HCN1: variants seen among roughly 807,000 people sequenced by gnomAD.
The protein encoded by HCN1 is potassium/sodium hyperpolarization-activated cyclic nucleotide-gated channel 1.
Under a neutral mutation model 78.9 loss-of-function variants are expected in HCN1, and 13 were observed. The ratio of observed to expected loss-of-function variants is 0.16; its 90% CI spans 0.11 to 0.26. HCN1 has a LOEUF of 0.26. Among genes scored for constraint, HCN1 ranks in the 10% least tolerant of loss-of-function variants. HCN1 has a pLI of 1.00. For synonymous variants in HCN1, 552 were observed against 455.5 expected (o/e 1.21, Z -2.70); for missense variants, 810 against 1,154.3 (o/e 0.70, Z 4.32).
rs1743354600 is a variant in HCN1 at position 45,550,908 on chromosome 5, A to G, written c.850-88901T>C. The stretch of plus-strand genomic sequence containing the variant: ...TAATGTAGTTTCTAGGAAACCATTC[A>G]TAAAATCACAGCTGCAGCTAATTTC... On this transcript the variant is annotated intron_variant, in intron 2 of 7. Transcript: ENST00000303230. Among the ~76,000 whole-genome samples, 3 of 151,980 alleles carry G rather than the reference A, an allele frequency of 2.0e-5. No individual in the cohort carries two copies. The South Asian group carries it at 6.2e-4, about 31-fold the overall frequency.
chr5:45,339,764 T>C (rs1218364365), intron 5 of HCN1, among the ~76,000 whole-genome samples: 2 of 152,160 alleles, frequency 1.3e-5, no homozygotes, highest in South Asian at 2.1e-4. Context: ...GAAAAAATAT[T>C]AGTCACAATT....
intron 5 of HCN1, among the ~76,000 whole-genome samples, chr5:45,330,409 C>T (rs189482536): frequency 1.3e-4 from 19 of 150,908 alleles, no homozygotes; most frequent in African/African-American, 4.6e-4. Context: ...TAAATAAACG[C>T]ACAAGACACC....
chr5:45,375,120 T>G (rs1424883255), intron 4 of HCN1, among the ~76,000 whole-genome samples: 1 of 122,982 alleles, frequency 8.1e-6, no homozygotes, highest in African/African-American at 3.1e-5. Flanking sequence ...ATATAATATA[T>G]TATATATAAT....
intron 2 of HCN1, among the ~76,000 whole-genome samples, chr5:45,527,230 G>A (rs1742755040): frequency 1.5e-5 from 2 of 137,514 alleles, no homozygotes; most frequent in South Asian, 5.0e-4. Context: ...GAAAGAACAT[G>A]TTATATTAAT....
chr5:45,410,273 C>G (rs1156880433), intron 3 of HCN1, among the ~76,000 whole-genome samples: 1 of 151,974 alleles, frequency 6.6e-6, no homozygotes, highest in African/African-American at 2.4e-5. Context: ...CAGTATCTCT[C>G]TACTGGATCT....
chr5:45,299,954 T>C (rs1309175229), intron 6 of HCN1, among the ~76,000 whole-genome samples: 1 of 151,966 alleles, frequency 6.6e-6, no homozygotes, highest in East Asian at 1.9e-4. Context: ...AAAATAGTTT[T>C]TATCTCAGAA....
chr5:45,499,349 T>A (rs190763275), intron 2 of HCN1, among the ~76,000 whole-genome samples: 2 of 152,296 alleles, frequency 1.3e-5, no homozygotes, highest in Non-Finnish European at 2.9e-5. Flanking sequence ...TGACCCGATT[T>A]TCCAGGTGCC....
At chr5:45,474,160 T>C (rs1361572676) in intron 2 of HCN1, among the ~76,000 whole-genome samples, 1 of 151,888 alleles carries the variant, frequency 6.6e-6, no homozygotes, top group African/African-American at 2.4e-5. Context: ...AGGCACTCCA[T>C]AACCTTGACC....
intron 2 of HCN1, chr5:45,480,082 C>T (rs1741614774): frequency 6.6e-6 from 1 of 152,600 alleles, no homozygotes; most frequent in Admixed American, 6.5e-5. Flanking sequence ...CTTCAACGTA[C>T]TCCTTGCTTA....
chr5:45,408,015 CAT>C (rs1190696381), intron 3 of HCN1, among the ~76,000 whole-genome samples: 2 of 151,940 alleles, frequency 1.3e-5, no homozygotes, highest in Non-Finnish European at 2.9e-5. Context: ...AGAAAAAAAT[CAT>C]ATAGAATATA....
chr5:45,306,726 A>G lies in HCN1; in HGVS notation c.1378-2887T>C, dbSNP rs571325560. On this transcript the variant is annotated intron_variant, in intron 5 of 7. Coordinates refer to ENST00000303230, the MANE Select transcript of HCN1 (RefSeq NM_021072.4). ...CCTTAGGGCACATTGAGGCAAATAA[A>G]ACACACTGTTACTATCTCTAATGTC... Among the ~76,000 whole-genome samples, 27 of 152,242 alleles carry G rather than the reference A, an allele frequency of 1.8e-4. 1 individual carries two copies. The highest frequency in any genetic ancestry group is 6.5e-4 in the African/African-American group (27 of 41,566).
At chr5:45,665,266 G>A (rs1580033718) in intron 1 of HCN1, among the ~76,000 whole-genome samples, 1 of 145,650 alleles carries the variant, frequency 6.9e-6, no homozygotes, top group African/African-American at 2.6e-5. Flanking sequence ...CATGGACACA[G>A]GAAGGGGCAC....
At chr5:45,613,409 A>G (rs1407043670) in intron 2 of HCN1, among the ~76,000 whole-genome samples, 1 of 152,094 alleles carries the variant, frequency 6.6e-6, no homozygotes, top group African/African-American at 2.4e-5. Context: ...CAAAACCACA[A>G]TGAGATACCA....
chr5:45,611,097 C>T (rs1321138874), intron 2 of HCN1, among the ~76,000 whole-genome samples: 1 of 150,354 alleles, frequency 6.7e-6, no homozygotes, highest in Non-Finnish European at 1.5e-5. Context: ...GTCACCAAGG[C>T]TGCAGAGCAC....
In HCN1 at chr5:45,520,414, A is replaced by T. The variant is rs143566869; in HGVS notation, c.850-58407T>A. Among the ~76,000 whole-genome samples the T allele has an allele frequency of 2.6e-3, 394 of 152,076 alleles. 6 individuals carry two copies. The highest frequency in any genetic ancestry group is 8.9e-3 in the African/African-American group (371 of 41,540). On this transcript the variant is annotated intron_variant, in intron 2 of 7. Transcript: ENST00000303230. ...ATCACCTAGTAATTGGTTTGTATTT[A>T]ACTTATGGACACTGATTTATGCAAC...
intron 1 of HCN1, among the ~76,000 whole-genome samples, chr5:45,651,030 GA>G (rs1174572860): frequency 6.6e-6 from 1 of 151,914 alleles, no homozygotes; most frequent in Non-Finnish European, 1.5e-5. Flanking sequence ...AATATTGAAT[GA>G]AAAATTCTTT....
chr5:45,625,050 G>A (rs190300033), intron 2 of HCN1, among the ~76,000 whole-genome samples: 3 of 152,088 alleles, frequency 2.0e-5, no homozygotes, highest in Admixed American at 6.5e-5. Flanking sequence ...CTACATGTTG[G>A]TATTAAAAAA....
At chr5:45,405,316 A>T (rs1021507351) in intron 3 of HCN1, among the ~76,000 whole-genome samples, 5 of 152,198 alleles carry the variant, frequency 3.3e-5, no homozygotes. Context: ...TGAATACACC[A>T]TAATTTTATT....
At position 45,500,428 on chromosome 5, in the gene HCN1, C is replaced by A. The variant is rs368602165; in HGVS notation, c.850-38421G>T. On this transcript the variant is annotated intron_variant, in intron 2 of 7. Coordinates refer to ENST00000303230, the MANE Select transcript of HCN1 (RefSeq NM_021072.4). ...TAAAATAAAATGTTTATGAAGAATT[C>A]TTATGTCCTGGTCATAGAAACAAGT... 7.9e-5 allele frequency among the ~76,000 whole-genome samples: 12 copies of A among 152,114 alleles called. 1 individual carries two copies. Among genetic ancestry groups the A allele is most frequent in the African/African-American group, 2.7e-4 (11 of 41,504 alleles).
Sources: gnomAD v4.1 joint callset for allele counts (sites outside exome capture counted in the v4.1 genomes callset) on GRCh38, gnomAD v4.1.1 for gene constraint, MANE v1.5 for transcripts, NCBI Gene and HGNC (gene_info 2026-07-23, HGNC 2026-07-21) for gene names.